Variants in DPP9 observed in about 807,000 individuals in gnomAD.
DPP9 encodes the protein dipeptidyl peptidase 9.
DPP9 carries 50 observed loss-of-function variants against 110.7 expected under a neutral mutation model. The ratio of observed to expected loss-of-function variants is 0.45; its 90% CI spans 0.36 to 0.57. The LOEUF is 0.57. Among genes scored for constraint, DPP9 ranks in the 20% least tolerant of loss-of-function variants. The probability of loss-of-function intolerance (pLI) is 0.00; values close to 1 mark genes in which losing one functional copy is unlikely to be tolerated. For missense variants in DPP9, 1,022 were observed against 1,217.9 expected, an observed-to-expected ratio of 0.84 and a Z score of 2.39; for synonymous variants, 561 against 514.4, an observed-to-expected ratio of 1.09 and a Z score of -1.23.
At position 4,697,313 on chromosome 19, in the gene DPP9, C is replaced by A. The variant is rs371543175; in HGVS notation, c.1175+238G>T. Among the ~76,000 whole-genome samples, 7 of 152,328 alleles carry A rather than the reference C, an allele frequency of 4.6e-5. No homozygotes were observed. In the South Asian group the frequency reaches 1.4e-3, roughly 32 times the overall value. On this transcript the variant is annotated intron_variant, in intron 11 of 21. Transcript: ENST00000262960. ...TCCTCCACACTCTGGGTAACTGGAT[C>A]AGCATGTCCTAGTGGCACTAACACT...
At chr19:4,712,526 G>A (rs895271196) in intron 4 of DPP9, among the ~76,000 whole-genome samples, 2 of 152,114 alleles carry the variant, frequency 1.3e-5, no homozygotes, top group East Asian at 3.9e-4. Flanking sequence ...ACTCCAGCCT[G>A]GGCAATGGAG....
chr19:4,677,436 G>C (rs1363540853), intron 21 of DPP9, among the ~76,000 whole-genome samples: 1 of 152,196 alleles, frequency 6.6e-6, no homozygotes, highest in East Asian at 1.9e-4. Context: ...TCCTGCCAGT[G>C]AGATGGGTTT....
In DPP9 at chr19:4,682,144, G is replaced by A. The variant is rs1191885388; in HGVS notation, c.2474+552C>T. 6.6e-6 allele frequency among the ~76,000 whole-genome samples: 1 copy of A among 151,928 alleles called. No individual in the cohort carries two copies. The highest frequency in any genetic ancestry group is 2.4e-5 in the African/African-American group (1 of 41,374). ...ATTACAGGAGTGAGCCACCGCGCCCGGCCCATGCCCAGGCAGATTTTTAAC... is the reference window on the plus strand; with the variant it reads ...ATTACAGGAGTGAGCCACCGCGCCCAGCCCATGCCCAGGCAGATTTTTAAC... On this transcript the variant is annotated intron_variant, in intron 20 of 21. Coordinates refer to ENST00000262960, the MANE Select transcript of DPP9 (RefSeq NM_139159.5). This position sits in a 1 kb window ranked among gnomAD's most constrained non-coding sequence, Gnocchi z 7.1.
intron 9 of DPP9, among the ~76,000 whole-genome samples, chr19:4,701,385 T>G (rs1164346735): frequency 1.3e-5 from 2 of 152,158 alleles, no homozygotes; most frequent in Non-Finnish European, 2.9e-5. Context: ...GGAGGATCAC[T>G]TGAGCCTAGG....
In DPP9 at chr19:4,685,724, G is replaced by A. The variant is rs772251728; in HGVS notation, c.1933C>T (p.Arg645Cys). The A allele has an allele frequency of 9.3e-5, 150 of 1,613,424 alleles. No individual in the cohort carries two copies. Among genetic ancestry groups the A allele is most frequent in the Non-Finnish European group, 1.2e-4 (137 of 1,179,842 alleles). The change falls in exon 17 of 22, where the codon CGC becomes TGC. Residue 645 changes from arginine to cysteine, a missense_variant. Transcript: ENST00000262960. This position sits in a 1 kb window ranked among gnomAD's most constrained non-coding sequence, Gnocchi z 5.8. The part of the protein sequence containing the change: ...VPPEIFHFHT[R>C]SDVRLYGMIY... Reference sequence around the variant, plus strand: ...ATGCCGTAGAGCCGCACATCCGAGCGCGTGTGGAAATGGAAGATCTCTGGA... The same window carrying A: ...ATGCCGTAGAGCCGCACATCCGAGCACGTGTGGAAATGGAAGATCTCTGGA...
At position 4,694,539 on chromosome 19, in the gene DPP9, C is replaced by G. The variant is rs1027504431; in HGVS notation, c.1516+122G>C. ...TGGGGAAGGCTGGCTTCCTGCCGAT[C>G]CCTGTTCCTTCTCCCGCAGGGTGTG... On this transcript the variant is annotated intron_variant, in intron 13 of 21. Transcript: ENST00000262960. This position sits in a 1 kb window ranked among gnomAD's most constrained non-coding sequence, Gnocchi z 4.0. 60 of 1,286,674 alleles carry G rather than the reference C, an allele frequency of 4.7e-5. No individual in the cohort carries two copies. The highest frequency in any genetic ancestry group is 6.0e-5 in the Non-Finnish European group (56 of 936,724). 79.7% of individuals were successfully genotyped at this position (1,286,674 alleles called of 1,614,324 possible).
Position 4,705,933 on chromosome 19 carries a change from G to A in DPP9, c.351C>T (p.Tyr117=), listed in dbSNP as rs758287610. The change falls in exon 5 of 22, where the codon TAC becomes TAT. Residue 117 remains tyrosine (Y), a synonymous_variant. Transcript: ENST00000262960. The part of the protein sequence containing the change: ...PYGSRENSLL[Y]SEIPKKVRKE... ...TCCGGACCTTCTTGGGAATCTCAGA[G>A]TAGAGGAGGGAGTTCTCTCGGCTGC... is the stretch of plus-strand genomic sequence containing the variant. 1 of 1,613,934 alleles carries A rather than the reference G, an allele frequency of 6.2e-7. No homozygotes were observed. Among genetic ancestry groups the A allele is most frequent in the Non-Finnish European group, 8.5e-7 (1 of 1,179,830 alleles).
rs371363097 is a variant in DPP9 at position 4,679,876 on chromosome 19, C to T, written c.2545G>A (p.Val849Ile). 1.5e-4 allele frequency: 236 copies of T among 1,613,342 alleles called. No individual in the cohort carries two copies. The highest frequency in any genetic ancestry group is 1.9e-4 in the Non-Finnish European group (219 of 1,179,774). Residue 849 changes from valine (V) to isoleucine (I), a missense_variant, in exon 21 of 22, where the codon GTC becomes ATC. Physicochemically the swap from Val to Ile is conservative, Grantham distance 29 (BLOSUM62 3). Transcript: ENST00000262960. ...NVHFFHTNFL[V>I]SQLIRAGKPY... ...TTCCCTGCTCGGATCAGTTGGGAGACGAGGAAGTTTGTGTGGAAAAAGTGC... is the reference window on the plus strand; with the variant it reads ...TTCCCTGCTCGGATCAGTTGGGAGATGAGGAAGTTTGTGTGGAAAAAGTGC...
intron 19 of DPP9, chr19:4,683,166 G>A (rs1431685342): frequency 2.5e-5 from 36 of 1,437,546 alleles, no homozygotes; most frequent in Non-Finnish European, 2.9e-5. Flanking sequence ...GGGCCCCCCC[G>A]CCGCTCTGCA....
In DPP9 at chr19:4,700,337, G is replaced by T; in HGVS notation, c.1013-60C>A. On this transcript the variant is annotated intron_variant, in intron 9 of 21. Coordinates refer to ENST00000262960, the MANE Select transcript of DPP9 (RefSeq NM_139159.5). The surrounding 1 kb of genome is among the most constrained non-coding windows in gnomAD (Gnocchi z 4.3). Reference sequence around the variant, plus strand: ...GCATCACCCGTGTGTGCCGAGAGCCGGCACGGGGGGCCTGGGCTGTGGGGT... The same window carrying T: ...GCATCACCCGTGTGTGCCGAGAGCCTGCACGGGGGGCCTGGGCTGTGGGGT... 2 of 1,434,200 alleles carry T rather than the reference G, an allele frequency of 1.4e-6. No homozygotes were observed. The highest frequency in any genetic ancestry group is 1.3e-5 in the South Asian group (1 of 77,660). 88.8% of individuals were successfully genotyped at this position (1,434,200 alleles called of 1,614,324 possible).
In DPP9 at chr19:4,693,816, A is replaced by G. The variant is rs932509850; in HGVS notation, c.1516+845T>C. 1.4e-5 allele frequency among the ~76,000 whole-genome samples: 2 copies of G among 144,256 alleles called. No individual in the cohort carries two copies. Among genetic ancestry groups the G allele is most frequent in the Non-Finnish European group, 3.1e-5 (2 of 65,432 alleles). 94.6% of individuals were successfully genotyped at this position (144,256 alleles called of 152,430 possible). On this transcript the variant is annotated intron_variant, in intron 13 of 21. Transcript: ENST00000262960. This position sits in a 1 kb window ranked among gnomAD's most constrained non-coding sequence, Gnocchi z 5.0. ...TGCACCATCTGCTTTTTCTCTCCCC[A>G]CCCTCTCCTCCCTCTCTCCCCCTCC...
chr19:4,700,304 C>T lies in DPP9; in HGVS notation c.1013-27G>A. 1 of 1,586,762 alleles carries T rather than the reference C, an allele frequency of 6.3e-7. No individual in the cohort carries two copies. The highest frequency in any genetic ancestry group is 8.6e-7 in the Non-Finnish European group (1 of 1,162,928). ...TGCAAAAACCGAAGTGAGGTGAACACCAGGCAGGCATCACCCGTGTGTGCC... is the reference window on the plus strand; with the variant it reads ...TGCAAAAACCGAAGTGAGGTGAACATCAGGCAGGCATCACCCGTGTGTGCC... On this transcript the variant is annotated intron_variant, in intron 9 of 21. Coordinates refer to ENST00000262960, the MANE Select transcript of DPP9 (RefSeq NM_139159.5). The surrounding 1 kb of genome is among the most constrained non-coding windows in gnomAD (Gnocchi z 4.3).
rs2092190158 is a variant in DPP9, at chr19:4,700,711, A to G, written c.1013-434T>C. On this transcript the variant is annotated intron_variant, in intron 9 of 21. Coordinates refer to ENST00000262960, the MANE Select transcript of DPP9 (RefSeq NM_139159.5). The surrounding 1 kb of genome is among the most constrained non-coding windows in gnomAD (Gnocchi z 4.3). The stretch of plus-strand genomic sequence containing the variant: ...GGGTGTGTCCCATGCAAAACCAGGG[A>G]GCCCGTGTGACAGCCAGACCTGCGC... Among the ~76,000 whole-genome samples the G allele has an allele frequency of 6.6e-6, 1 of 152,150 alleles. No individual in the cohort carries two copies. The highest frequency in any genetic ancestry group is 1.5e-5 in the Non-Finnish European group (1 of 68,022).
chr19:4,682,625 C>T lies in DPP9; in HGVS notation c.2474+71G>A. 1 of 1,567,480 alleles carries T rather than the reference C, an allele frequency of 6.4e-7. No homozygotes were observed. The highest frequency in any genetic ancestry group is 8.6e-7 in the Non-Finnish European group (1 of 1,158,064). On this transcript the variant is annotated intron_variant, in intron 20 of 21. Coordinates refer to ENST00000262960, the MANE Select transcript of DPP9 (RefSeq NM_139159.5). This position sits in a 1 kb window ranked among gnomAD's most constrained non-coding sequence, Gnocchi z 7.1. ...GCCAGCTGGGGCAGGAGGGCACCCT[C>T]ATAGAGACAGCTGGTGCCGGGGTGC...
Position 4,683,838 on chromosome 19 carries a change from C to T in DPP9, c.2179-209G>A, listed in dbSNP as rs771869297. 1.7e-5 allele frequency: 26 copies of T among 1,531,722 alleles called. No individual in the cohort carries two copies. In the African/African-American group the frequency reaches 2.6e-4, roughly 15 times the overall value. 94.9% of individuals were successfully genotyped at this position (1,531,722 alleles called of 1,614,324 possible). ...GCAGCCATCTTGCTCTGCCACCTCCCAGGTGAGTGGCTCTGGGAGCCACGT... is the reference window on the plus strand; with the variant it reads ...GCAGCCATCTTGCTCTGCCACCTCCTAGGTGAGTGGCTCTGGGAGCCACGT... On this transcript the variant is annotated intron_variant, in intron 18 of 21. Coordinates refer to ENST00000262960, the MANE Select transcript of DPP9 (RefSeq NM_139159.5).
chr19:4,706,542 G>A (rs573537877), intron 4 of DPP9, among the ~76,000 whole-genome samples: 2 of 149,720 alleles, frequency 1.3e-5, no homozygotes, highest in African/African-American at 2.5e-5. Flanking sequence ...AGGGCCAGGC[G>A]ACATGGCTCA....
In DPP9 at chr19:4,695,390, G is replaced by A. The variant is rs759512861; in HGVS notation, c.1341C>T (p.Asn447=). The A allele has an allele frequency of 6.3e-6, 10 of 1,579,892 alleles. No homozygotes were observed. Among genetic ancestry groups the A allele is most frequent in the South Asian group, 5.8e-5 (5 of 86,314 alleles). ...QPYVVYEEVT[N]VWINVHDIFY... The stretch of plus-strand genomic sequence containing the variant: ...TTGCCCCGCTTACATTGATCCAGAC[G>A]TTGGTGACCTCCTCGTACACCACAT... Residue 447 remains asparagine, a synonymous_variant, in exon 12 of 22, where the codon AAC becomes AAT. Transcript: ENST00000262960. The surrounding 1 kb of genome is among the most constrained non-coding windows in gnomAD (Gnocchi z 4.7).
rs978278275 is a variant in DPP9 at position 4,716,592 on chromosome 19, G to A, written c.57-2255C>T. 4.6e-5 allele frequency among the ~76,000 whole-genome samples: 7 copies of A among 151,904 alleles called. No homozygotes were observed. The South Asian group carries it at 6.2e-4, about 14-fold the overall frequency. On this transcript the variant is annotated intron_variant, in intron 3 of 21. Coordinates refer to ENST00000262960, the MANE Select transcript of DPP9 (RefSeq NM_139159.5). ...GCGGAGCTTGCAGTGAGCCGAGATCGTGCCACTGCACTCCAGCCTGGGCGA... is the reference window on the plus strand; with the variant it reads ...GCGGAGCTTGCAGTGAGCCGAGATCATGCCACTGCACTCCAGCCTGGGCGA...
At chr19:4,706,229 G>A (rs1226136399) in intron 4 of DPP9, among the ~76,000 whole-genome samples, 2 of 151,628 alleles carry the variant, frequency 1.3e-5, no homozygotes, top group Non-Finnish European at 2.9e-5. Flanking sequence ...GGGCATGGTG[G>A]CTCTTGTTTG....
Sources: gnomAD v4.1 joint callset for allele counts (sites outside exome capture counted in the v4.1 genomes callset) on GRCh38, gnomAD v4.1.1 for gene constraint, Gnocchi (gnomAD v3.1) non-coding constraint, MANE v1.5 for transcripts, NCBI Gene and HGNC (gene_info 2026-07-23, HGNC 2026-07-21) for gene names.